PTPRD: variants seen among roughly 807,000 people sequenced by gnomAD.
The protein encoded by PTPRD is protein tyrosine phosphatase receptor type D, also known as receptor-type tyrosine-protein phosphatase delta.
Under a neutral mutation model 214.5 loss-of-function variants are expected in PTPRD, and 34 were observed. The observed-to-expected ratio is 0.16, with a 90% confidence interval of 0.12 to 0.21. The LOEUF (loss-of-function observed/expected upper bound fraction) is 0.21, where lower values mean the gene tolerates loss of function less well. Among genes scored for constraint, PTPRD ranks in the 10% least tolerant of loss-of-function variants. The pLI is 1.00. For synonymous variants in PTPRD, 1,128 were observed against 845.7 expected, an observed-to-expected ratio of 1.33 and a Z score of -5.79; for missense variants, 2,545 against 2,398.7, an observed-to-expected ratio of 1.06 and a Z score of -1.27.
intron 3 of PTPRD, among the ~76,000 whole-genome samples, chr9:10,209,901 T>G (rs1278500914): frequency 1.3e-5 from 2 of 152,136 alleles, no homozygotes; most frequent in Non-Finnish European, 2.9e-5. Flanking sequence ...GTAAATCTGG[T>G]GCTTTTGTTT....
chr9:9,144,038 G>A (rs141705293), intron 10 of PTPRD, among the ~76,000 whole-genome samples: 9 of 152,318 alleles, frequency 5.9e-5, no homozygotes, highest in Non-Finnish European at 1.2e-4. Context: ...TTATTAAAGT[G>A]ATAACTTGGC....
intron 11 of PTPRD, among the ~76,000 whole-genome samples, chr9:8,919,491 G>C (rs1278782055): frequency 6.6e-6 from 1 of 151,694 alleles, no homozygotes; most frequent in Non-Finnish European, 1.5e-5. Flanking sequence ...TTTAGATACA[G>C]ACTTGCTCTA....
In PTPRD at chr9:9,949,036, G is replaced by A. The variant is rs79032992; in HGVS notation, c.-471-10426C>T. Among the ~76,000 whole-genome samples the A allele has an allele frequency of 9.7e-3, 1,472 of 152,062 alleles. 11 individuals are homozygous for A. The highest frequency in any genetic ancestry group is 0.02 in the Middle Eastern group (6 of 294). ...TGGTGGGATAAAGGGTGAAGAATAC[G>A]AGAAAACAAGATGTAGAGCAAAAAT... On this transcript the variant is annotated intron_variant, in intron 4 of 45. Transcript: ENST00000381196.
intron 11 of PTPRD, among the ~76,000 whole-genome samples, chr9:8,800,503 A>C (rs1028838003): frequency 6.6e-6 from 1 of 152,176 alleles, no homozygotes; most frequent in Non-Finnish European, 1.5e-5. Flanking sequence ...CAAGATGGCC[A>C]CAAGAGTGAC....
intron 10 of PTPRD, among the ~76,000 whole-genome samples, chr9:9,149,349 A>G (rs1157270959): frequency 6.6e-6 from 1 of 152,204 alleles, no homozygotes; most frequent in Non-Finnish European, 1.5e-5. Flanking sequence ...TATATTTGCA[A>G]TGTAGTGGTG....
intron 37 of PTPRD, among the ~76,000 whole-genome samples, chr9:8,386,415 C>T (rs551792891): frequency 1.1e-4 from 16 of 152,294 alleles, no homozygotes; most frequent in Admixed American, 3.3e-4. Context: ...GCAGCATTTA[C>T]AAGACGCACA....
chr9:9,994,554 A>G lies in PTPRD; in HGVS notation c.-472+39164T>C, dbSNP rs562297294. On this transcript the variant is annotated intron_variant, in intron 4 of 45. Coordinates refer to ENST00000381196, the MANE Select transcript of PTPRD (RefSeq NM_002839.4). ...CAGCTGTTATAACACAATCTGTTAAAGGACAAAGAACAGTGTCCTTTGTCA... is the reference window on the plus strand; with the variant it reads ...CAGCTGTTATAACACAATCTGTTAAGGGACAAAGAACAGTGTCCTTTGTCA... Among the ~76,000 whole-genome samples the G allele has an allele frequency of 9.8e-5, 15 of 152,286 alleles. 1 individual carries two copies. The South Asian group carries it at 1.7e-3, about 17-fold the overall frequency.
intron 2 of PTPRD, among the ~76,000 whole-genome samples, chr9:10,542,077 T>C (rs1239251702): frequency 2.6e-5 from 4 of 152,162 alleles, no homozygotes; most frequent in Non-Finnish European, 2.9e-5. Context: ...TCTTAAAATA[T>C]AGACTTTTGT....
intron 11 of PTPRD, among the ~76,000 whole-genome samples, chr9:8,806,385 CAT>C (rs1271693224): frequency 3.3e-5 from 5 of 152,084 alleles, no homozygotes; most frequent in African/African-American, 9.7e-5. Context: ...AAACTGCAAT[CAT>C]ATAATTTTTT....
At chr9:9,621,573 GC>G (rs2095240621) in intron 7 of PTPRD, among the ~76,000 whole-genome samples, 1 of 152,194 alleles carries the variant, frequency 6.6e-6, no homozygotes, top group Non-Finnish European at 1.5e-5. Context: ...CAGTGTGAAA[GC>G]AGGATGAACA....
intron 4 of PTPRD, among the ~76,000 whole-genome samples, chr9:9,958,181 T>A (rs1369328194): frequency 1.3e-5 from 2 of 152,174 alleles, no homozygotes. Context: ...AGTTTTCAGA[T>A]ACAGTACCAA....
At chr9:10,345,809 T>A (rs2097066919) in intron 2 of PTPRD, among the ~76,000 whole-genome samples, 1 of 152,210 alleles carries the variant, frequency 6.6e-6, no homozygotes, top group South Asian at 2.1e-4. Flanking sequence ...CAAATGGTAT[T>A]TCTGGTTCTG....
At chr9:9,849,032 T>G (rs1403292595) in intron 5 of PTPRD, among the ~76,000 whole-genome samples, 1 of 151,744 alleles carries the variant, frequency 6.6e-6, no homozygotes, top group East Asian at 1.9e-4. Context: ...GGTGTGTCTA[T>G]GTATTTGGAT....
chr9:8,470,654 T>A (rs529975632), intron 31 of PTPRD, among the ~76,000 whole-genome samples: 3 of 152,124 alleles, frequency 2.0e-5, no homozygotes, highest in Non-Finnish European at 4.4e-5. Context: ...AAGGGGACCT[T>A]GGGATTTATA....
At chr9:8,867,411 C>G (rs961850189) in intron 11 of PTPRD, among the ~76,000 whole-genome samples, 20 of 152,158 alleles carry the variant, frequency 1.3e-4, no homozygotes, top group Admixed American at 1.2e-3. Flanking sequence ...CTGAAAAGAA[C>G]AGTTGGCACT....
intron 10 of PTPRD, among the ~76,000 whole-genome samples, chr9:9,080,005 G>A (rs192600516): frequency 6.6e-6 from 1 of 152,066 alleles, no homozygotes; most frequent in East Asian, 1.9e-4. Context: ...ATGACATCCC[G>A]AACATTCTAA....
chr9:9,922,463 G>A (rs1421516971), intron 5 of PTPRD, among the ~76,000 whole-genome samples: 2 of 152,040 alleles, frequency 1.3e-5, no homozygotes, highest in Non-Finnish European at 1.5e-5. Flanking sequence ...AAATTCCCTT[G>A]TGAAATATGA....
intron 11 of PTPRD, among the ~76,000 whole-genome samples, chr9:8,955,077 A>G (rs1018827058): frequency 1.3e-5 from 2 of 151,930 alleles, no homozygotes; most frequent in Admixed American, 6.6e-5. Flanking sequence ...GAAACTTGAC[A>G]TAAGATTAAA....
At chr9:9,431,829 C>G (rs2083260253) in intron 8 of PTPRD, among the ~76,000 whole-genome samples, 2 of 143,434 alleles carry the variant, frequency 1.4e-5, no homozygotes, top group East Asian at 2.1e-4. Flanking sequence ...TGCATGTTCT[C>G]TCTCATAGGT....
Sources: gnomAD v4.1 joint callset for allele counts (sites outside exome capture counted in the v4.1 genomes callset) on GRCh38, gnomAD v4.1.1 for gene constraint, MANE v1.5 for transcripts, NCBI Gene and HGNC (gene_info 2026-07-23, HGNC 2026-07-21) for gene names.